Variants in GSK3B observed in about 807,000 individuals in gnomAD.
The protein encoded by GSK3B is glycogen synthase kinase 3 beta.
In GSK3B, 15 loss-of-function variants were observed where a neutral mutation model predicts 56.4. The ratio of observed to expected loss-of-function variants is 0.27; its 90% CI spans 0.18 to 0.41. The LOEUF (loss-of-function observed/expected upper bound fraction) is 0.41, where lower values mean the gene tolerates loss of function less well. Among genes scored for constraint, GSK3B ranks in the 10% least tolerant of loss-of-function variants. The pLI is 1.00. For synonymous variants in GSK3B, 181 were observed against 188.9 expected (o/e 0.96, Z 0.34); for missense variants, 300 against 513.4 (o/e 0.58, Z 4.02).
chr3:119,902,314 T>C (rs2056633001), intron 7 of GSK3B, among the ~76,000 whole-genome samples: 1 of 152,094 alleles, frequency 6.6e-6, no homozygotes, highest in African/African-American at 2.4e-5. Context: ...TATTTAACAT[T>C]TGAAGAACAG....
intron 1 of GSK3B, among the ~76,000 whole-genome samples, chr3:120,047,222 C>T (rs1023796040): frequency 3.3e-5 from 5 of 152,146 alleles, no homozygotes; most frequent in Non-Finnish European, 7.3e-5. Context: ...TTTCCTATCA[C>T]AATTTTCTCT....
intron 4 of GSK3B, among the ~76,000 whole-genome samples, chr3:119,918,583 T>C (rs988287867): frequency 6.6e-6 from 1 of 152,160 alleles, no homozygotes; most frequent in Admixed American, 6.6e-5. Context: ...CTTTAAAATA[T>C]AACAGATTTA....
intron 1 of GSK3B, among the ~76,000 whole-genome samples, chr3:120,083,382 GCTCCAGGAAAAAGGACA>G (rs2058438284): frequency 6.6e-6 from 1 of 152,048 alleles, no homozygotes; most frequent in African/African-American, 2.4e-5. Flanking sequence ...TTGGACGAGG[GCTCCAGGAAAAAGGACA>G]CTCCAGGAAA....
chr3:119,960,534 C>T (rs1425456473), intron 2 of GSK3B, among the ~76,000 whole-genome samples: 3 of 152,148 alleles, frequency 2.0e-5, no homozygotes, highest in African/African-American at 4.8e-5. Context: ...TGATAATGTA[C>T]TATAATTTTG....
intron 10 of GSK3B, among the ~76,000 whole-genome samples, chr3:119,842,129 T>C (rs115020072): frequency 0.011 from 1,667 of 152,316 alleles, 27 homozygotes; most frequent in African/African-American, 0.033. Flanking sequence ...CTGTGCTACC[T>C]ATTATGTTTC....
chr3:119,977,514 A>G (rs2057419452), intron 2 of GSK3B, among the ~76,000 whole-genome samples: 1 of 152,188 alleles, frequency 6.6e-6, no homozygotes, highest in African/African-American at 2.4e-5. Flanking sequence ...TGTACTGGCA[A>G]TGTAACACTT....
At chr3:120,029,464 G>C in intron 1 of GSK3B, 1 of 696,486 alleles carries the variant, frequency 1.4e-6, no homozygotes, top group South Asian at 1.5e-5. Context: ...TCTGGATCAA[G>C]AGCAGTGTTA....
chr3:119,923,510 A>G, intron 3 of GSK3B, 27 bp from the exon 4 acceptor site: 1 of 1,119,524 alleles, frequency 8.9e-7, no homozygotes. Flanking sequence ...AAAAAAACAA[A>G]AAACAAAACA....
At chr3:120,018,533 A>G (rs2057846308) in intron 1 of GSK3B, among the ~76,000 whole-genome samples, 1 of 152,234 alleles carries the variant, frequency 6.6e-6, no homozygotes, top group Non-Finnish European at 1.5e-5. Context: ...ACTGTGTAGT[A>G]TTAAAAACTA....
chr3:120,057,734 T>G (rs2058202763), intron 1 of GSK3B, among the ~76,000 whole-genome samples: 1 of 152,180 alleles, frequency 6.6e-6, no homozygotes, highest in South Asian at 2.1e-4. Context: ...TTACATGCCT[T>G]GTCACATTTA....
At chr3:120,050,880 G>C (rs1240606879) in intron 1 of GSK3B, among the ~76,000 whole-genome samples, 2 of 152,182 alleles carry the variant, frequency 1.3e-5, no homozygotes, top group African/African-American at 4.8e-5. Flanking sequence ...GGTAGGCAGA[G>C]TATGAACAAA....
Position 119,996,698 on chromosome 3 carries a change from T to C in GSK3B, c.282+5348A>G, listed in dbSNP as rs1419688400. Among the ~76,000 whole-genome samples, 9 of 152,136 alleles carry C rather than the reference T, an allele frequency of 5.9e-5. No homozygotes were observed. The East Asian group carries it at 1.7e-3, about 29-fold the overall frequency. On this transcript the variant is annotated intron_variant, in intron 2 of 10. Transcript: ENST00000264235. ...TACAGTTCATTTACATAGGGACATA[T>C]TTTCAATCTTTAATCAAAGTATTTG...
At chr3:119,866,438 CCATA>C (rs1221015012) in intron 8 of GSK3B, 2 of 707,760 alleles carry the variant, frequency 2.8e-6, no homozygotes, top group East Asian at 5.2e-5. Flanking sequence ...GAAACCTATG[CCATA>C]CAGTGAATAA....
intron 2 of GSK3B, among the ~76,000 whole-genome samples, chr3:119,980,399 C>G (rs897778057): frequency 6.6e-5 from 10 of 152,036 alleles, no homozygotes; most frequent in African/African-American, 2.2e-4. Context: ...GTTGCCCAGG[C>G]TGAAGTACAA....
intron 8 of GSK3B, among the ~76,000 whole-genome samples, chr3:119,868,978 A>G (rs1412393860): frequency 1.3e-5 from 2 of 152,200 alleles, no homozygotes; most frequent in Non-Finnish European, 2.9e-5. Context: ...AGTCTACTTA[A>G]GTGCTCATAT....
intron 1 of GSK3B, among the ~76,000 whole-genome samples, chr3:120,077,485 G>A (rs1678683039): frequency 6.6e-6 from 1 of 152,206 alleles, no homozygotes; most frequent in Admixed American, 6.5e-5. Context: ...CAGAGGTTGA[G>A]CAGGGGAGGA....
chr3:119,965,384 T>C (rs1481049087), intron 2 of GSK3B, among the ~76,000 whole-genome samples: 2 of 150,856 alleles, frequency 1.3e-5, no homozygotes, highest in African/African-American at 4.9e-5. Flanking sequence ...TTTATTTTTA[T>C]AGAGACAAGG....
At chr3:120,059,302 C>T (rs1178239249) in intron 1 of GSK3B, among the ~76,000 whole-genome samples, 4 of 152,224 alleles carry the variant, frequency 2.6e-5, no homozygotes, top group Admixed American at 1.3e-4. Flanking sequence ...CTCTTCGTTA[C>T]TGCCCTATTT....
At chr3:119,837,311 C>A (rs9784357) in intron 10 of GSK3B, among the ~76,000 whole-genome samples, 17 of 135,166 alleles carry the variant, frequency 1.3e-4, no homozygotes, top group African/African-American at 3.9e-4. Flanking sequence ...CCCGCTACTA[C>A]GCCCGGCTAA....
Sources: gnomAD v4.1 joint callset for allele counts (sites outside exome capture counted in the v4.1 genomes callset) on GRCh38, gnomAD v4.1.1 for gene constraint, MANE v1.5 for transcripts, NCBI Gene and HGNC (gene_info 2026-07-23, HGNC 2026-07-21) for gene names.